Variants in BCKDHB observed in about 807,000 individuals in gnomAD.
BCKDHB encodes branched chain keto acid dehydrogenase E1 subunit beta.
Under a neutral mutation model 48.5 loss-of-function variants are expected in BCKDHB, and 41 were observed. The ratio of observed to expected loss-of-function variants is 0.85; its 90% CI spans 0.66 to 1.10. The LOEUF (loss-of-function observed/expected upper bound fraction) is 1.10, where lower values mean the gene tolerates loss of function less well. BCKDHB is among the 50% of genes least tolerant of loss of function. The pLI, the probability that BCKDHB is intolerant of heterozygous loss-of-function variation, is 0.00. For missense variants in BCKDHB, 496 were observed against 494.2 expected (o/e 1.00, Z -0.03); for synonymous variants, 201 against 174.8 (o/e 1.15, Z -1.18).
the BCKDHB span, among the ~76,000 whole-genome samples, chr6:80,414,254 C>T: frequency 2.0e-5 from 3 of 152,082 alleles, no homozygotes; most frequent in African/African-American, 7.2e-5. Flanking sequence ...GTTGTCCCTT[C>T]ACTCTATTGA....
intron 8 of BCKDHB, among the ~76,000 whole-genome samples, chr6:80,230,798 AT>A (rs1208090693): frequency 6.6e-6 from 1 of 152,158 alleles, no homozygotes; most frequent in Non-Finnish European, 1.5e-5. Flanking sequence ...AGGGGGCCAA[AT>A]TCCTCCTTTT....
intron 8 of BCKDHB, among the ~76,000 whole-genome samples, chr6:80,265,695 G>A (rs1367785742): frequency 6.6e-6 from 1 of 151,984 alleles, no homozygotes; most frequent in Non-Finnish European, 1.5e-5. Context: ...ATTAAAAGGG[G>A]AAAACAAAAC....
intron 8 of BCKDHB, 85 bp downstream of exon 8, chr6:80,203,297 T>C: frequency 9.9e-7 from 1 of 1,011,856 alleles, no homozygotes; most frequent in Non-Finnish European, 1.6e-6. Flanking sequence ...TCTTTTGAAA[T>C]TGTGAGCTAT....
rs139564469 is a variant in BCKDHB at position 80,223,723 on chromosome 6, G to A, written c.951+20511G>A. On this transcript the variant is annotated intron_variant, in intron 8 of 9. Coordinates refer to ENST00000320393, the MANE Select transcript of BCKDHB (RefSeq NM_183050.4). ...TGAGATTTTGAGGTGTGACAGATAC[G>A]ATATGTAGTAACAGTACTGCAAATC... Among the ~76,000 whole-genome samples the A allele has an allele frequency of 4.8e-3, 730 of 152,252 alleles. 2 individuals are homozygous for A. The highest frequency in any genetic ancestry group is 0.016 in the African/African-American group (682 of 41,550).
At chr6:80,242,068 A>G (rs1471919447) in intron 8 of BCKDHB, among the ~76,000 whole-genome samples, 1 of 152,082 alleles carries the variant, frequency 6.6e-6, no homozygotes, top group East Asian at 1.9e-4. Context: ...TCTGTGGTCA[A>G]ATTTATTCAT....
At chr6:80,371,149 C>T in the BCKDHB span, among the ~76,000 whole-genome samples, 1 of 151,950 alleles carries the variant, frequency 6.6e-6, no homozygotes, top group Non-Finnish European at 1.5e-5. Context: ...ATGCCAACTT[C>T]TATTATTTTT....
intron 2 of BCKDHB, among the ~76,000 whole-genome samples, chr6:80,127,927 A>C (rs961054148): frequency 6.6e-6 from 1 of 152,156 alleles, no homozygotes; most frequent in African/African-American, 2.4e-5. Flanking sequence ...AGAAAACAAA[A>C]TACCTTTTCA....
chr6:80,353,348 T>G, the BCKDHB span, among the ~76,000 whole-genome samples: 1 of 152,220 alleles, frequency 6.6e-6, no homozygotes, highest in Non-Finnish European at 1.5e-5. Flanking sequence ...AACACATGAG[T>G]GCAGGTATCT....
intron 8 of BCKDHB, among the ~76,000 whole-genome samples, chr6:80,257,650 G>T (rs982014011): frequency 2.6e-5 from 4 of 151,930 alleles, no homozygotes; most frequent in African/African-American, 7.3e-5. Context: ...GAGATTCTGG[G>T]ATGCTGGTAG....
At chr6:80,146,296 A>G (rs982387293) in intron 3 of BCKDHB, among the ~76,000 whole-genome samples, 1 of 152,200 alleles carries the variant, frequency 6.6e-6, no homozygotes, top group African/African-American at 2.4e-5. Context: ...GTAAAATAAC[A>G]GTGTAAGAAT....
intron 8 of BCKDHB, among the ~76,000 whole-genome samples, chr6:80,245,629 A>C (rs566718107): frequency 6.6e-6 from 1 of 152,206 alleles, no homozygotes; most frequent in East Asian, 1.9e-4. Context: ...CTACTATTCC[A>C]AAGTGTAGTG....
In BCKDHB at chr6:80,200,935, G is replaced by A. The variant is rs147719822; in HGVS notation, c.744G>A (p.Ala248=). 273 of 1,604,130 alleles carry A rather than the reference G, an allele frequency of 1.7e-4. No homozygotes were observed. Among genetic ancestry groups the A allele is most frequent in the Middle Eastern group, 1.3e-3 (8 of 6,010 alleles). The change falls in exon 7 of 10, where the codon GCG becomes GCA. Residue 248 remains alanine, a splice_region_variant and synonymous_variant. Transcript: ENST00000320393. ...FEPKILYRAA[A]EEVPIEPYNI... ...TTTTTTTTCCTGTTCTGTATTTAGC[G>A]GAAGAAGTCCCTATAGAACCATACA... is the stretch of plus-strand genomic sequence containing the variant.
intron 8 of BCKDHB, among the ~76,000 whole-genome samples, chr6:80,220,815 A>G (rs751751936): frequency 1.6e-4 from 24 of 148,762 alleles, no homozygotes; most frequent in African/African-American, 1.2e-4. Context: ...ACTCACTGCA[A>G]TCTCCACCTC....
the BCKDHB span, among the ~76,000 whole-genome samples, chr6:80,465,369 C>T: frequency 6.6e-6 from 1 of 152,224 alleles, no homozygotes; most frequent in Non-Finnish European, 1.5e-5. Context: ...ACACCATTTT[C>T]TGTCACAAAT....
At chr6:80,170,149 A>C (rs867662012) in intron 5 of BCKDHB, among the ~76,000 whole-genome samples, 1 of 152,142 alleles carries the variant, frequency 6.6e-6, no homozygotes, top group African/African-American at 2.4e-5. Context: ...AGATAAAGAC[A>C]TTGTGTGATA....
intron 9 of BCKDHB, among the ~76,000 whole-genome samples, chr6:80,304,105 G>A (rs1767727937): frequency 1.3e-5 from 2 of 152,134 alleles, no homozygotes; most frequent in African/African-American, 2.4e-5. Flanking sequence ...GTTACATCCT[G>A]ATAAAATCAA....
intron 8 of BCKDHB, among the ~76,000 whole-genome samples, chr6:80,213,012 G>C (rs1452147953): frequency 1.3e-5 from 2 of 152,142 alleles, no homozygotes; most frequent in African/African-American, 4.8e-5. Context: ...AAAATTCCCA[G>C]TACCTGCAAC....
intron 9 of BCKDHB, among the ~76,000 whole-genome samples, chr6:80,280,165 G>A (rs1445781271): frequency 5.3e-5 from 8 of 152,080 alleles, no homozygotes; most frequent in Non-Finnish European, 1.2e-4. Flanking sequence ...TTTATGTGGA[G>A]GAAATAGATA....
chr6:80,174,073 G>A (rs1351953694), intron 6 of BCKDHB, among the ~76,000 whole-genome samples: 3 of 152,080 alleles, frequency 2.0e-5, no homozygotes, highest in Non-Finnish European at 4.4e-5. Flanking sequence ...TAGTATACTT[G>A]CAGTATCCAT....
Sources: gnomAD v4.1 joint callset for allele counts (sites outside exome capture counted in the v4.1 genomes callset) on GRCh38, gnomAD v4.1.1 for gene constraint, MANE v1.5 for transcripts, NCBI Gene and HGNC (gene_info 2026-07-23, HGNC 2026-07-21) for gene names.